Variants in TSG101 observed in about 807,000 individuals in gnomAD.
TSG101 encodes the protein tumor susceptibility gene 101 protein.
A neutral mutation model predicts 48.5 loss-of-function variants in TSG101; 19 were observed. That is an observed-to-expected ratio of 0.39 (90% CI 0.27 to 0.58). TSG101 has a LOEUF of 0.58. TSG101 is among the 20% of genes least tolerant of loss of function. The pLI is 0.55. For missense variants in TSG101, 365 were observed against 484.4 expected (o/e 0.75, Z 2.31); for synonymous variants, 174 against 169.4 (o/e 1.03, Z -0.21).
chr11:18,502,970 G>C (rs975729645), intron 6 of TSG101, among the ~76,000 whole-genome samples: 2 of 152,062 alleles, frequency 1.3e-5, no homozygotes, highest in African/African-American at 4.8e-5. Flanking sequence ...GTAACCTTTG[G>C]GGATATTTAA....
Position 18,484,020 on chromosome 11 carries a change from G to A in TSG101, c.693C>T (p.Ile231=). ...ATCTCAGTTTGTCACTGACCGCAGA[G>A]ATGAGAGAGGCTCGGATGGTGTCCT... ...ISEDTIRASL[I]SAVSDKLRWR... is the part of the protein sequence containing the mutation. The change falls in exon 8 of 10, where the codon ATC becomes ATT. Residue 231 remains isoleucine (I), a synonymous_variant. Coordinates refer to ENST00000251968, the MANE Select transcript of TSG101 (RefSeq NM_006292.4). 1.2e-6 allele frequency: 2 copies of A among 1,614,196 alleles called. No homozygotes were observed. The highest frequency in any genetic ancestry group is 1.7e-6 in the Non-Finnish European group (2 of 1,180,038).
intron 7 of TSG101, among the ~76,000 whole-genome samples, chr11:18,493,697 G>A (rs1849730780): frequency 6.6e-6 from 1 of 152,154 alleles, no homozygotes; most frequent in African/African-American, 2.4e-5. Flanking sequence ...GAGAACATAT[G>A]AGGATTATTT....
intron 9 of TSG101, among the ~76,000 whole-genome samples, 186 bp from the exon 10 acceptor site, chr11:18,480,821 A>G (rs1849521194): frequency 6.6e-6 from 1 of 152,216 alleles, no homozygotes; most frequent in Non-Finnish European, 1.5e-5. Flanking sequence ...CAACAGGGAA[A>G]GCATTACATT....
rs770811104 is a variant in TSG101 at position 18,526,801 on chromosome 11, T to C, written c.16A>G (p.Ser6Gly). The C allele has an allele frequency of 5.6e-6, 9 of 1,603,152 alleles. No homozygotes were observed. The highest frequency in any genetic ancestry group is 2.2e-5 in the East Asian group (1 of 44,842). The change falls in exon 1 of 10, where the codon AGC (serine) becomes GGC (glycine). Residue 6 changes from serine to glycine, a missense_variant. Ser to Gly is a moderately conservative substitution (Grantham distance 56). Transcript: ENST00000251968. MAVSESQLKKMVSKYK... is the reference protein window; with the variant it reads MAVSEGQLKKMVSKYK... The stretch of plus-strand genomic sequence containing the variant: ...TTGGACACCATTTTCTTGAGCTGGC[T>C]CTCCGACACCGCCATGACGGCCGCC...
Position 18,514,662 on chromosome 11 carries a change from C to T in TSG101, c.357+16G>A. 1 of 1,525,800 alleles carries T rather than the reference C, an allele frequency of 6.6e-7. No homozygotes were observed. Among genetic ancestry groups the T allele is most frequent in the South Asian group, 1.3e-5 (1 of 75,866 alleles). The allele number at this position is 1,525,800 out of a possible 1,614,324, so 94.5% of individuals were successfully genotyped here. On this transcript the variant is annotated intron_variant, in intron 4 of 9. Transcript: ENST00000251968. ...TATAAAACATAACTAATTCACAGAA[C>T]ACTATGAATACTTACGTGTTTCCAT...
At chr11:18,511,818 A>G (rs1364853653) in intron 4 of TSG101, among the ~76,000 whole-genome samples, 1 of 152,116 alleles carries the variant, frequency 6.6e-6, no homozygotes, top group Non-Finnish European at 1.5e-5. Context: ...ACAGCCCTTT[A>G]GCAACCACTA....
chr11:18,521,607 C>T (rs1006526425), intron 1 of TSG101, among the ~76,000 whole-genome samples: 34 of 150,790 alleles, frequency 2.3e-4, no homozygotes, highest in African/African-American at 6.8e-4. Flanking sequence ...GGAAGTGATC[C>T]TCTCAACTCA....
intron 7 of TSG101, 117 bp from the exon 8 acceptor site, chr11:18,484,189 G>GA: frequency 2.1e-6 from 2 of 971,178 alleles, no homozygotes; most frequent in Non-Finnish European, 3.1e-6. Flanking sequence ...TGTGAGGAAA[G>GA]AAAAAAATTA....
intron 7 of TSG101, among the ~76,000 whole-genome samples, chr11:18,486,085 T>C (rs1849615447): frequency 6.6e-6 from 1 of 152,228 alleles, no homozygotes; most frequent in South Asian, 2.1e-4. Context: ...ACTCAGCCAC[T>C]TAGAGGGGAC....
chr11:18,485,062 C>T (rs574058730), intron 7 of TSG101, among the ~76,000 whole-genome samples: 15 of 151,664 alleles, frequency 9.9e-5, no homozygotes, highest in African/African-American at 3.6e-4. Context: ...CCTCAGCCTC[C>T]CGAGTAGCTG....
At chr11:18,483,062 A>T (rs942352000) in intron 8 of TSG101, among the ~76,000 whole-genome samples, 1 of 151,852 alleles carries the variant, frequency 6.6e-6, no homozygotes, top group Non-Finnish European at 1.5e-5. Context: ...GTGGGGAGGG[A>T]TGGCACGCAG....
intron 1 of TSG101, 42 bp downstream of exon 1, chr11:18,526,733 G>T: frequency 6.3e-7 from 1 of 1,591,478 alleles, no homozygotes; most frequent in Non-Finnish European, 8.5e-7. Context: ...GCGGAAGGGA[G>T]CGGTGGGCGC....
chr11:18,481,678 C>T lies in TSG101; in HGVS notation c.1035G>A (p.Leu345=), dbSNP rs1283904809. ...TCACGCCCCTTCTCAAGGCTTCTCC[C>T]AAGTAAAAGATAGTGTCTTCAATAG... ...ENAIEDTIFY[L]GEALRRGVID... The change falls in exon 9 of 10, where the codon TTG becomes TTA. Residue 345 remains leucine (L), a synonymous_variant. Coordinates refer to ENST00000251968, the MANE Select transcript of TSG101 (RefSeq NM_006292.4). 1 of 1,614,024 alleles carries T rather than the reference C, an allele frequency of 6.2e-7. No individual in the cohort carries two copies. The highest frequency in any genetic ancestry group is 1.3e-5 in the African/African-American group (1 of 74,926).
chr11:18,494,404 T>C (rs1159636177), intron 7 of TSG101, among the ~76,000 whole-genome samples: 1 of 152,222 alleles, frequency 6.6e-6, no homozygotes, highest in Non-Finnish European at 1.5e-5. Flanking sequence ...TCTATAGGAA[T>C]AACGACAGGA....
rs1232642318 is a variant in TSG101, at chr11:18,509,681, A to T, written c.358-16T>A. 6.3e-7 allele frequency: 1 copy of T among 1,577,558 alleles called. No homozygotes were observed. The highest frequency in any genetic ancestry group is 1.4e-5 in the African/African-American group (1 of 73,928). On this transcript the variant is annotated splice_polypyrimidine_tract_variant and intron_variant, in intron 4 of 9. Coordinates refer to ENST00000251968, the MANE Select transcript of TSG101 (RefSeq NM_006292.4). ...CTGACTGTGGCTACAAAATGAAAAAAAATTCAAGTCAGCTACAGAGTTGCT... is the reference window on the plus strand; with the variant it reads ...CTGACTGTGGCTACAAAATGAAAAATAATTCAAGTCAGCTACAGAGTTGCT...
intron 7 of TSG101, among the ~76,000 whole-genome samples, chr11:18,500,528 TG>T (rs1217430747): frequency 1.3e-5 from 2 of 152,158 alleles, no homozygotes; most frequent in African/African-American, 4.8e-5. Flanking sequence ...CCATTCAAAC[TG>T]GGATAAGATT....
rs116534112 is a variant in TSG101 at position 18,523,931 on chromosome 11, C to T, written c.42+2844G>A. Among the ~76,000 whole-genome samples the T allele has an allele frequency of 3.9e-3, 589 of 152,322 alleles. 5 individuals carry two copies. Among genetic ancestry groups the T allele is most frequent in the African/African-American group, 0.014 (575 of 41,570 alleles). Reference sequence around the variant, plus strand: ...TCTGCTTCTCAAGTAGCTAGGACTACAGGTGCAAGCCACGAAGTCTGGCTG... The same window carrying T: ...TCTGCTTCTCAAGTAGCTAGGACTATAGGTGCAAGCCACGAAGTCTGGCTG... On this transcript the variant is annotated intron_variant, in intron 1 of 9. Transcript: ENST00000251968.
Position 18,481,710 on chromosome 11 carries a change from C to A in TSG101, c.1003G>T (p.Glu335Ter). The A allele has an allele frequency of 6.2e-7, 1 of 1,614,164 alleles. No individual in the cohort carries two copies. Among genetic ancestry groups the A allele is most frequent in the Non-Finnish European group, 8.5e-7 (1 of 1,180,024 alleles). ...YKQILNLYAEENAIEDTIFYL... is the reference protein window; with the variant it reads ...YKQILNLYAE ...AAGATAGTGTCTTCAATAGCGTTTT[C>A]TTCTGCATACAGATTCAGGATCTGT... is the stretch of plus-strand genomic sequence containing the variant. The change falls in exon 9 of 10, where the codon GAA becomes TAA. Residue 335 changes from glutamate to a stop codon, truncating the protein, a stop_gained. Transcript: ENST00000251968. LOFTEE classifies it high-confidence loss of function.
At chr11:18,516,382 T>C (rs1850173873) in intron 2 of TSG101, among the ~76,000 whole-genome samples, 1 of 151,900 alleles carries the variant, frequency 6.6e-6, no homozygotes, top group African/African-American at 2.4e-5. Context: ...TCTCATCCTG[T>C]TGCCCAGGAT....
Sources: allele counts gnomAD v4.1 joint callset (sites outside exome capture counted in the v4.1 genomes callset), GRCh38; gene constraint gnomAD v4.1.1; transcripts MANE v1.5; gene names NCBI Gene and HGNC (gene_info 2026-07-23, HGNC 2026-07-21).